The following ARHGAP27 variants were observed in gnomAD, a reference collection of about 807,000 sequenced individuals.
The protein encoded by ARHGAP27 is rho GTPase-activating protein 27.
In ARHGAP27, 53 loss-of-function variants were observed where a neutral mutation model predicts 102.0. That is an observed-to-expected ratio of 0.52 (90% CI 0.42 to 0.65). The LOEUF is 0.65. Among genes scored for constraint, ARHGAP27 ranks in the 30% least tolerant of loss-of-function variants. The pLI is 0.00. For synonymous variants in ARHGAP27, 525 were observed against 542.8 expected, an observed-to-expected ratio of 0.97 and a Z score of 0.46; for missense variants, 1,117 against 1,256.2, an observed-to-expected ratio of 0.89 and a Z score of 1.68.
In ARHGAP27 at chr17:45,430,221, G is replaced by T. The variant is rs757314905; in HGVS notation, c.59C>A (p.Thr20Asn). ...GGCCACGCGGCGCCCGTCCTTGCCGGTGTACTCGAAGGGGTGCTCCACCAG... is the reference window on the plus strand; with the variant it reads ...GGCCACGCGGCGCCCGTCCTTGCCGTTGTACTCGAAGGGGTGCTCCACCAG... Reference protein sequence around the residue: ...YVLVEHPFEYTGKDGRRVAIR... With the variant: ...YVLVEHPFEYNGKDGRRVAIR... The change falls in exon 4 of 20, where the codon ACC becomes AAC. Residue 20 changes from threonine to asparagine, a missense_variant. Thr to Asn is a moderately conservative substitution (Grantham distance 65). Coordinates refer to ENST00000685559, the MANE Select transcript of ARHGAP27 (RefSeq NM_001282290.2). The surrounding 1 kb of genome is among the most constrained non-coding windows in gnomAD (Gnocchi z 4.4). The T allele has an allele frequency of 6.4e-6, 10 of 1,568,992 alleles. No homozygotes were observed. The highest frequency in any genetic ancestry group is 8.6e-6 in the Non-Finnish European group (10 of 1,165,630).
At position 45,430,434 on chromosome 17, in the gene ARHGAP27, T is replaced by TA; in HGVS notation, c.-18-138dup. ...CTTCGGGCCTCAGTTTTCCCATCTC[T>TA]AAAATGGGAACTTGCATAAAATCAC... On this transcript the variant is annotated intron_variant, in intron 3 of 19. Transcript: ENST00000685559. This position sits in a 1 kb window ranked among gnomAD's most constrained non-coding sequence, Gnocchi z 4.4. The TA allele has an allele frequency of 7.9e-7, 1 of 1,272,984 alleles. No homozygotes were observed. The highest frequency in any genetic ancestry group is 1.1e-6 in the Non-Finnish European group (1 of 951,786). 78.9% of individuals were successfully genotyped at this position (1,272,984 alleles called of 1,614,324 possible).
intron 4 of ARHGAP27, 74 bp from the exon 5 acceptor site, chr17:45,406,157 A>G: frequency 1.4e-6 from 2 of 1,403,022 alleles, no homozygotes; most frequent in Non-Finnish European, 1.9e-6. Context: ...CCCTCTGGGC[A>G]GTGCGATTAT....
intron 4 of ARHGAP27, among the ~76,000 whole-genome samples, chr17:45,417,999 T>C (rs1355630208): frequency 7.1e-6 from 1 of 141,644 alleles, no homozygotes; most frequent in East Asian, 2.1e-4. Flanking sequence ...ATCGTGCCAC[T>C]GCACTCCAGC....
At chr17:45,409,994 A>G (rs1032893061) in intron 4 of ARHGAP27, 55 of 552,236 alleles carry the variant, frequency 1.0e-4, no homozygotes, top group African/African-American at 8.7e-4. Context: ...ACTGCCTTAC[A>G]GTGGTTCACC....
intron 4 of ARHGAP27, among the ~76,000 whole-genome samples, chr17:45,418,238 C>T (rs562121221): frequency 2.0e-4 from 30 of 147,948 alleles, no homozygotes; most frequent in Non-Finnish European, 3.7e-4. Context: ...AGCCACCAGG[C>T]CCAGCCTATT....
intron 12 of ARHGAP27, among the ~76,000 whole-genome samples, chr17:45,399,766 C>A (rs895736148): frequency 5.3e-5 from 8 of 152,228 alleles, no homozygotes; most frequent in Non-Finnish European, 1.2e-4. Context: ...ACTTCTAAAA[C>A]AACAGCCATG....
chr17:45,418,166 A>G (rs2048667760), intron 4 of ARHGAP27, among the ~76,000 whole-genome samples: 1 of 149,580 alleles, frequency 6.7e-6, no homozygotes, highest in African/African-American at 2.5e-5. Context: ...GCTGGTCTTG[A>G]ACTCCTGAGT....
chr17:45,421,350 C>T (rs1045266271), intron 4 of ARHGAP27, among the ~76,000 whole-genome samples: 7 of 150,262 alleles, frequency 4.7e-5, no homozygotes, highest in African/African-American at 9.9e-5. Flanking sequence ...GGCACGGTGG[C>T]GTGCGCCTGT....
chr17:45,418,191 C>A (rs555218913), intron 4 of ARHGAP27, among the ~76,000 whole-genome samples: 3 of 150,546 alleles, frequency 2.0e-5, no homozygotes, highest in Non-Finnish European at 4.4e-5. Flanking sequence ...GCAGTCCTCC[C>A]GCTTCGGCCT....
In ARHGAP27 at chr17:45,396,273, C is replaced by G. The variant is rs113604190; in HGVS notation, c.2185G>C (p.Asp729His). The change falls in exon 17 of 20, where the codon GAC becomes CAC. Residue 729 changes from aspartate (D) to histidine (H), a missense_variant. Asp to His is a moderately conservative substitution (Grantham distance 81). This residue lies in a region of ARHGAP27 where 493 missense variants were observed against 505.5 expected (regional missense o/e 0.98). Coordinates refer to ENST00000685559, the MANE Select transcript of ARHGAP27 (RefSeq NM_001282290.2). ...TTTCCACTGATGCGGTACAGCCCGT[C>G]GATGTCCAGCCCTGGGCCAGAGGGA... ...RAVEARGLDI[D>H]GLYRISGNLA... The G allele has an allele frequency of 6.8e-6, 11 of 1,612,502 alleles. No homozygotes were observed. In the South Asian group the frequency reaches 1.1e-4, roughly 16 times the overall value.
Position 45,395,343 on chromosome 17 carries a change from T to A in ARHGAP27, c.*113A>T. 1 of 1,335,238 alleles carries A rather than the reference T, an allele frequency of 7.5e-7. No homozygotes were observed. Among genetic ancestry groups the A allele is most frequent in the East Asian group, 2.5e-5 (1 of 39,420 alleles). The allele number at this position is 1,335,238 out of a possible 1,614,324, so 82.7% of individuals were successfully genotyped here. A position where few individuals can be genotyped will look rare whatever the true frequency, so the allele number is the denominator to read the frequency against. Reference sequence around the variant, plus strand: ...CGAGGGTGCAGAAGTCACACCGGCCTGCGGCTATGCGCTGGCGGAGGGTCC... The same window carrying A: ...CGAGGGTGCAGAAGTCACACCGGCCAGCGGCTATGCGCTGGCGGAGGGTCC... On this transcript the variant is annotated 3_prime_UTR_variant, in exon 20 of 20. Coordinates refer to ENST00000685559, the MANE Select transcript of ARHGAP27 (RefSeq NM_001282290.2).
chr17:45,403,917 CA>C, intron 10 of ARHGAP27, 111 bp downstream of exon 10: 5 of 1,240,760 alleles, frequency 4.0e-6, no homozygotes, highest in Non-Finnish European at 4.6e-6. Context: ...CACAGAGGAC[CA>C]CTCACGAAGT....
In ARHGAP27 at chr17:45,396,599, TCATCAGCTCCTGCC is replaced by T; in HGVS notation, c.2075-28_2075-15del. 1 of 1,609,616 alleles carries T rather than the reference TCATCAGCTCCTGCC, an allele frequency of 6.2e-7. No individual in the cohort carries two copies. Among genetic ancestry groups the T allele is most frequent in the Non-Finnish European group, 8.5e-7 (1 of 1,178,088 alleles). On this transcript the variant is annotated splice_polypyrimidine_tract_variant and intron_variant, in intron 15 of 19. Transcript: ENST00000685559. ...CGAACACCTGGTCTAGGGCAGAGGC[TCATCAGCTCCTGCC>T]CAGCCTGCGCCCCGTCCCGGTCCCG...
intron 4 of ARHGAP27, chr17:45,407,992 G>A (rs1354737186): frequency 6.6e-6 from 1 of 151,440 alleles, no homozygotes; most frequent in African/African-American, 2.4e-5. Flanking sequence ...TCAAAATTTT[G>A]TACTACAAAA....
intron 4 of ARHGAP27, among the ~76,000 whole-genome samples, chr17:45,423,320 CT>C (rs1393671795): frequency 6.6e-6 from 1 of 151,966 alleles, no homozygotes. Context: ...AAAATGAATG[CT>C]TTCCTAGTAA....
chr17:45,395,174 C>T lies in ARHGAP27; in HGVS notation c.*282G>A. On this transcript the variant is annotated 3_prime_UTR_variant, in exon 20 of 20. Transcript: ENST00000685559. ...TCACCCCCACACACGCTATCGCACACGCACAGTAGGCGCGATGCAACAGAG... is the reference window on the plus strand; with the variant it reads ...TCACCCCCACACACGCTATCGCACATGCACAGTAGGCGCGATGCAACAGAG... The T allele has an allele frequency of 5.8e-6, 3 of 520,102 alleles. No individual in the cohort carries two copies. Among genetic ancestry groups the T allele is most frequent in the South Asian group, 2.5e-5 (1 of 39,742 alleles). 32.2% of individuals were successfully genotyped at this position (520,102 alleles called of 1,614,324 possible).
At position 45,406,014 on chromosome 17, in the gene ARHGAP27, C is replaced by G; in HGVS notation, c.727G>C (p.Ala243Pro). 6.5e-7 allele frequency: 1 copy of G among 1,534,750 alleles called. No homozygotes were observed. Among genetic ancestry groups the G allele is most frequent in the Non-Finnish European group, 8.7e-7 (1 of 1,146,182 alleles). The change falls in exon 5 of 20, where the codon GCT (alanine) becomes CCT (proline). Residue 243 changes from alanine (A) to proline (P), a missense_variant. Ala to Pro is a conservative substitution (Grantham distance 27). Transcript: ENST00000685559. ...RQPRATSPGA[A>P]AAPLPSPVWE... is the part of the protein sequence containing the mutation. ...ACCGGGCTGGGAAGGGGGGCTGCAG[C>G]GGCGCCCGGTGAAGTGGCCCGGGGC... is the stretch of plus-strand genomic sequence containing the variant.
chr17:45,429,220 A>T, intron 4 of ARHGAP27: 1 of 419,680 alleles, frequency 2.4e-6, no homozygotes, highest in Non-Finnish European at 4.2e-6. Flanking sequence ...TGGGGCACAC[A>T]CCTGCAGTAG....
chr17:45,424,455 T>G (rs1203045985), intron 4 of ARHGAP27, among the ~76,000 whole-genome samples: 1 of 152,178 alleles, frequency 6.6e-6, no homozygotes, highest in Non-Finnish European at 1.5e-5. Flanking sequence ...GATCATCAGC[T>G]ACGCCCTGGT....
Sources: gnomAD v4.1 joint callset for allele counts (sites outside exome capture counted in the v4.1 genomes callset) on GRCh38, gnomAD v4.1.1 for gene constraint, gnomAD v4.1.1 regional missense constraint, Gnocchi (gnomAD v3.1) non-coding constraint, MANE v1.5 for transcripts, NCBI Gene and HGNC (gene_info 2026-07-23, HGNC 2026-07-21) for gene names.